The following FEZ2 variants were observed in gnomAD, a reference collection of about 807,000 sequenced individuals.
FEZ2 encodes the protein fasciculation and elongation protein zeta 2.
FEZ2 carries 51 observed loss-of-function variants against 40.4 expected under a neutral mutation model. The observed-to-expected ratio is 1.26, with a 90% confidence interval of 1.01 to 1.59. The LOEUF (loss-of-function observed/expected upper bound fraction) is 1.59. FEZ2 is among the 40% of genes most tolerant of loss of function. The pLI is 0.00. For missense variants in FEZ2, 640 were observed against 438.3 expected (o/e 1.46, Z -4.11); for synonymous variants, 242 against 172.0 (o/e 1.41, Z -3.18).
intron 5 of FEZ2, chr2:36,559,158 G>C (rs1278547796): frequency 6.6e-6 from 1 of 152,114 alleles, no homozygotes; most frequent in Non-Finnish European, 1.5e-5. Flanking sequence ...AATGGCCTAA[G>C]GGGAAATGAA....
At chr2:36,594,893 AAC>A (rs1669169234) in intron 1 of FEZ2, among the ~76,000 whole-genome samples, 1 of 152,234 alleles carries the variant, frequency 6.6e-6, no homozygotes, top group African/African-American at 2.4e-5. Context: ...AAAGCCAACT[AAC>A]AGTCTCCACC....
chr2:36,572,243 A>T (rs1225661277), intron 5 of FEZ2, among the ~76,000 whole-genome samples: 1 of 152,176 alleles, frequency 6.6e-6, no homozygotes, highest in East Asian at 1.9e-4. Context: ...CTGCTGTTAG[A>T]CAAGAAGCTG....
chr2:36,588,981 C>G (rs900818308), intron 2 of FEZ2, among the ~76,000 whole-genome samples: 5 of 152,116 alleles, frequency 3.3e-5, no homozygotes, highest in Admixed American at 6.5e-5. Flanking sequence ...TACCCATGGA[C>G]TGGTTTTGGT....
chr2:36,573,010 G>A (rs1018155036), intron 5 of FEZ2, among the ~76,000 whole-genome samples: 39 of 152,044 alleles, frequency 2.6e-4, no homozygotes, highest in Middle Eastern at 3.4e-3. Flanking sequence ...CTCTACTACC[G>A]TTAGTCACTG....
At position 36,576,609 on chromosome 2, in the gene FEZ2, G is replaced by C. The variant is rs542372588; in HGVS notation, c.903+1988C>G. 2.6e-5 allele frequency among the ~76,000 whole-genome samples: 4 copies of C among 152,316 alleles called. No homozygotes were observed. The East Asian group carries it at 7.7e-4, about 29-fold the overall frequency. ...TAAAAGGATACAGGAAACTAGTACT[G>C]CAAGCTTAGCCGTGCCATTACTGAA... On this transcript the variant is annotated intron_variant, in intron 5 of 7. Coordinates refer to ENST00000405912, the MANE Select transcript of FEZ2 (RefSeq NM_005102.3).
At chr2:36,562,504 TC>T (rs1343903567) in intron 5 of FEZ2, among the ~76,000 whole-genome samples, 1 of 152,152 alleles carries the variant, frequency 6.6e-6, no homozygotes, top group Non-Finnish European at 1.5e-5. Context: ...TCCTAAACCA[TC>T]CAACTTCCCT....
rs754768776 is a variant in FEZ2 at position 36,578,824 on chromosome 2, C to T, written c.676G>A (p.Glu226Lys). 2 of 1,613,196 alleles carry T rather than the reference C, an allele frequency of 1.2e-6. No homozygotes were observed. The highest frequency in any genetic ancestry group is 2.2e-5 in the East Asian group (1 of 44,878). Residue 226 changes from glutamate to lysine, a missense_variant, in exon 5 of 8, where the codon GAA becomes AAA. Coordinates refer to ENST00000405912, the MANE Select transcript of FEZ2 (RefSeq NM_005102.3). ...LSVSELNEIL[E>K]EIETAIKEYS... is the part of the protein sequence containing the mutation. The stretch of plus-strand genomic sequence containing the variant: ...TCCTTAATGGCAGTCTCAATTTCTT[C>T]CAGGATTTCATTTAACTCAGACACT...
chr2:36,554,939 T>C (rs903955493), intron 7 of FEZ2, among the ~76,000 whole-genome samples: 3 of 152,206 alleles, frequency 2.0e-5, no homozygotes, highest in African/African-American at 7.2e-5. Flanking sequence ...CAAAGATGCA[T>C]TTTGTGATGC....
chr2:36,595,651 T>C (rs1244728993), intron 1 of FEZ2, among the ~76,000 whole-genome samples: 1 of 152,162 alleles, frequency 6.6e-6, no homozygotes, highest in African/African-American at 2.4e-5. Flanking sequence ...AATATCTGAG[T>C]AAAACAATTA....
intron 1 of FEZ2, among the ~76,000 whole-genome samples, chr2:36,595,544 T>C (rs13410283): frequency 0.28 from 43,157 of 152,060 alleles, 6,626 homozygotes; most frequent in Middle Eastern, 0.36. Flanking sequence ...GATGAGGCTT[T>C]GCTCACTCAC....
intron 2 of FEZ2, among the ~76,000 whole-genome samples, chr2:36,587,385 C>A (rs1027717466): frequency 6.6e-6 from 1 of 152,152 alleles, no homozygotes; most frequent in African/African-American, 2.4e-5. Context: ...CTTCTCTTTG[C>A]CAAGCATTCC....
At chr2:36,586,747 C>CCT (rs1668911047) in intron 2 of FEZ2, among the ~76,000 whole-genome samples, 1 of 152,128 alleles carries the variant, frequency 6.6e-6, no homozygotes, top group African/African-American at 2.4e-5. Context: ...TCAAGACCAC[C>CCT]CTGAGCAACA....
At chr2:36,590,523 C>T in intron 2 of FEZ2, 1 of 166,298 alleles carries the variant, frequency 6.0e-6, no homozygotes, top group Non-Finnish European at 1.3e-5. Flanking sequence ...CAAAAATTAG[C>T]CGGGACTGGT....
Position 36,598,160 on chromosome 2 carries a change from G to A in FEZ2, c.-18C>T, listed in dbSNP as rs1176205083. ...GCCGCCATCGCCGCCCGGAGCAGTC[G>A]CGCGCCCCGCCCAGGCCGGCCCAGC... On this transcript the variant is annotated 5_prime_UTR_variant, in exon 1 of 8. Transcript: ENST00000405912. The A allele has an allele frequency of 5.7e-6, 8 of 1,415,542 alleles. No homozygotes were observed. The highest frequency in any genetic ancestry group is 2.5e-4 in the Middle Eastern group (1 of 3,966). 87.7% of individuals were successfully genotyped at this position (1,415,542 alleles called of 1,614,324 possible).
Position 36,581,722 on chromosome 2 carries a change from G to C in FEZ2, c.493-291C>G, listed in dbSNP as rs758835793. 4.0e-5 allele frequency: 11 copies of C among 277,928 alleles called. No homozygotes were observed. The South Asian group carries it at 5.4e-4, about 14-fold the overall frequency. 17.2% of individuals were successfully genotyped at this position (277,928 alleles called of 1,614,324 possible). ...TGTCTTGCAAAGTCTAGGTAATCGT[G>C]CTACAAACACATAATAATTTACTTC... On this transcript the variant is annotated intron_variant, in intron 3 of 7. Transcript: ENST00000405912.
At chr2:36,584,850 G>A (rs1204710000) in intron 2 of FEZ2, among the ~76,000 whole-genome samples, 2 of 152,196 alleles carry the variant, frequency 1.3e-5, no homozygotes, top group Non-Finnish European at 2.9e-5. Flanking sequence ...CTGCACGTGA[G>A]AAGGGCCAAG....
chr2:36,589,377 C>T (rs1669001759), intron 2 of FEZ2, among the ~76,000 whole-genome samples: 1 of 152,226 alleles, frequency 6.6e-6, no homozygotes, highest in Non-Finnish European at 1.5e-5. Context: ...GTGTGTTTTC[C>T]TTCCGTGCAG....
At chr2:36,581,615 A>G (rs371405571) in intron 3 of FEZ2, 184 bp from the exon 4 acceptor site, 1 of 573,134 alleles carries the variant, frequency 1.7e-6, no homozygotes, top group Non-Finnish European at 3.2e-6. Flanking sequence ...ATGGTTTATC[A>G]AGAAAAAATT....
rs774996553 is a variant in FEZ2 at position 36,597,912 on chromosome 2, C to T, written c.231G>A (p.Arg77=). Residue 77 remains arginine (R), a synonymous_variant, in exon 1 of 8, where the codon CGG becomes CGA. Transcript: ENST00000405912. ...PGAEPPRTAV[R]PITERSLLQG... ...GCAGGAGGCTGCGCTCCGTGATGGG[C>T]CGCACGGCCGTCCTCGGGGGCTCGG... is the stretch of plus-strand genomic sequence containing the variant. 7.1e-7 allele frequency: 1 copy of T among 1,418,056 alleles called. No homozygotes were observed. Among genetic ancestry groups the T allele is most frequent in the Non-Finnish European group, 9.1e-7 (1 of 1,093,814 alleles). 87.8% of individuals were successfully genotyped at this position (1,418,056 alleles called of 1,614,324 possible).
Sources: allele counts gnomAD v4.1 joint callset (sites outside exome capture counted in the v4.1 genomes callset), GRCh38; gene constraint gnomAD v4.1.1; transcripts MANE v1.5; gene names NCBI Gene and HGNC (gene_info 2026-07-23, HGNC 2026-07-21).